FRMPD4: variants seen among roughly 807,000 people sequenced by gnomAD.
The protein encoded by FRMPD4 is FERM and PDZ domain-containing protein 4.
A neutral mutation model predicts 94.1 loss-of-function variants in FRMPD4; 22 were observed. That is an observed-to-expected ratio of 0.23 (90% CI 0.17 to 0.33). The LOEUF is 0.33. FRMPD4 is among the 10% of genes least tolerant of loss of function. The pLI is 1.00. For synonymous variants in FRMPD4, 631 were observed against 548.6 expected (o/e 1.15, Z -2.10); for missense variants, 1,111 against 1,339.9 (o/e 0.83, Z 2.67).
At chrX:12,200,371 A>G (rs2056617416) in intron 1 of FRMPD4, among the ~76,000 whole-genome samples, 1 of 112,399 alleles carries the variant, frequency 8.9e-6, no homozygotes, top group South Asian at 3.7e-4. Flanking sequence ...TCTCAGTTAT[A>G]ATTTTTGCAA....
chrX:12,409,963 T>C (rs779872649), intron 1 of FRMPD4, among the ~76,000 whole-genome samples: 2 of 111,971 alleles, frequency 1.8e-5, no homozygotes, highest in Non-Finnish European at 3.8e-5. Flanking sequence ...AGTCCTACAA[T>C]ATGTGAATAT....
intron 1 of FRMPD4, among the ~76,000 whole-genome samples, chrX:12,167,729 C>T (rs966540744): frequency 5.4e-5 from 6 of 111,805 alleles, no homozygotes; most frequent in Middle Eastern, 4.6e-3. Context: ...ATGGACTTTC[C>T]GGCTACAACA....
intron 2 of FRMPD4, among the ~76,000 whole-genome samples, chrX:12,529,913 G>T (rs949806044): frequency 2.3e-4 from 25 of 107,647 alleles, no homozygotes; most frequent in Admixed American, 6.0e-4. Flanking sequence ...TGGTTGGGGG[G>T]TGGGGGTGGG....
intron 1 of FRMPD4, among the ~76,000 whole-genome samples, chrX:12,250,056 G>GTGTT (rs1569206273): frequency 5.0e-4 from 43 of 85,436 alleles, no homozygotes; most frequent in East Asian, 2.3e-3. Flanking sequence ...CTCTGTGTGT[G>GTGTT]TGTGTGTTTG....
intron 1 of FRMPD4, among the ~76,000 whole-genome samples, chrX:12,240,761 G>T: frequency 8.9e-6 from 1 of 112,336 alleles, no homozygotes; most frequent in South Asian, 3.7e-4. Flanking sequence ...TGTATTTACT[G>T]AACTAGTCAT....
intron 8 of FRMPD4, among the ~76,000 whole-genome samples, chrX:12,691,085 TCTTC>T (rs2060075269): frequency 8.9e-6 from 1 of 111,937 alleles, no homozygotes; most frequent in Non-Finnish European, 1.9e-5. Flanking sequence ...CTAAAGTGCT[TCTTC>T]CTTGTTGTAT....
At chrX:12,562,356 T>C (rs894044934) in intron 2 of FRMPD4, among the ~76,000 whole-genome samples, 1 of 112,658 alleles carries the variant, frequency 8.9e-6, no homozygotes, top group Non-Finnish European at 1.9e-5. Context: ...TCCACTGTGG[T>C]ATTCAATAAA....
intron 1 of FRMPD4, among the ~76,000 whole-genome samples, chrX:12,474,009 T>C (rs1332698846): frequency 1.8e-5 from 2 of 109,836 alleles, no homozygotes; most frequent in African/African-American, 3.5e-5. Flanking sequence ...CAACAGAATA[T>C]ACATTCTTTT....
intron 3 of FRMPD4, among the ~76,000 whole-genome samples, chrX:11,912,798 AAAGAAG>A (rs761293765): frequency 2.7e-5 from 3 of 111,041 alleles, no homozygotes; most frequent in African/African-American, 9.8e-5. Flanking sequence ...AAAAAGAAAA[AAAGAAG>A]AAGAAGAAGA....
At chrX:12,385,737 A>C (rs2056388477) in intron 1 of FRMPD4, among the ~76,000 whole-genome samples, 1 of 112,457 alleles carries the variant, frequency 8.9e-6, no homozygotes, top group Non-Finnish European at 1.9e-5. Context: ...AAACAATGAA[A>C]AAGGAGAATC....
At chrX:12,375,709 A>T (rs912452129) in intron 1 of FRMPD4, among the ~76,000 whole-genome samples, 5 of 112,303 alleles carry the variant, frequency 4.5e-5, no homozygotes, top group African/African-American at 1.6e-4. Flanking sequence ...CAGACATGAC[A>T]CTAGAAGGTC....
At chrX:11,828,197 C>G (rs2053455333) in intron 1 of FRMPD4, among the ~76,000 whole-genome samples, 1 of 111,946 alleles carries the variant, frequency 8.9e-6, no homozygotes, top group African/African-American at 3.2e-5. Context: ...AGAAATCTTG[C>G]TTGTAGCTTG....
chrX:12,129,713 C>T (rs1422360233), intron 3 of FRMPD4, among the ~76,000 whole-genome samples: 2 of 111,675 alleles, frequency 1.8e-5, no homozygotes, highest in African/African-American at 3.3e-5. Context: ...AATTAGGATA[C>T]ATGTGTTTGA....
intron 4 of FRMPD4, among the ~76,000 whole-genome samples, chrX:12,669,448 G>A (rs970678941): frequency 9.1e-6 from 1 of 109,567 alleles, no homozygotes; most frequent in Non-Finnish European, 1.9e-5. Flanking sequence ...TAACTCACAT[G>A]AACTGTGAGA....
At position 12,330,172 on chromosome X, in the gene FRMPD4, G is replaced by A. The variant is rs1322545745; in HGVS notation, c.42-168508G>A. ...ATAAAGAGTACTCAACAAGGAGTCAGCAGCCAGATTTGAACCATGTGACTT... is the reference window on the plus strand; with the variant it reads ...ATAAAGAGTACTCAACAAGGAGTCAACAGCCAGATTTGAACCATGTGACTT... On this transcript the variant is annotated intron_variant, in intron 1 of 16. Transcript: ENST00000675598. 5.4e-5 allele frequency among the ~76,000 whole-genome samples: 6 copies of A among 111,240 alleles called. No individual in the cohort carries two copies. In the East Asian group the frequency reaches 1.7e-3, roughly 31 times the overall value.
At chrX:12,352,546 T>C (rs1391445623) in intron 1 of FRMPD4, among the ~76,000 whole-genome samples, 2 of 112,537 alleles carry the variant, frequency 1.8e-5, no homozygotes, top group Admixed American at 9.4e-5. Context: ...CAGAAACTAT[T>C]GATAGGAATG....
At chrX:11,843,220 T>C in intron 1 of FRMPD4, among the ~76,000 whole-genome samples, 2 of 112,204 alleles carry the variant, frequency 1.8e-5, no homozygotes. Flanking sequence ...TGTTAAGTAT[T>C]CTTGCATCTA....
chrX:12,510,958 G>A (rs896093292), intron 2 of FRMPD4, among the ~76,000 whole-genome samples: 2 of 112,106 alleles, frequency 1.8e-5, no homozygotes, highest in Admixed American at 1.9e-4. Context: ...TATAGCTGCA[G>A]TTCCAAAGGC....
At chrX:11,968,286 G>T (rs748255192) in intron 3 of FRMPD4, among the ~76,000 whole-genome samples, 3 of 111,625 alleles carry the variant, frequency 2.7e-5, no homozygotes, top group Non-Finnish European at 5.6e-5. Context: ...CCAGTTGAAA[G>T]ATGCTAGTAT....
Sources: allele counts gnomAD v4.1 joint callset (sites outside exome capture counted in the v4.1 genomes callset), GRCh38; gene constraint gnomAD v4.1.1; transcripts MANE v1.5; gene names NCBI Gene and HGNC (gene_info 2026-07-23, HGNC 2026-07-21).